MAPK10: variants seen among roughly 807,000 people sequenced by gnomAD.
The protein encoded by MAPK10 is mitogen-activated protein kinase 10, also known as JNK3 alpha protein kinase.
Under a neutral mutation model 59.3 loss-of-function variants are expected in MAPK10, and 25 were observed. The ratio of observed to expected loss-of-function variants is 0.42; its 90% CI spans 0.31 to 0.59. The LOEUF is 0.59. Among genes scored for constraint, MAPK10 ranks in the 20% least tolerant of loss-of-function variants. MAPK10 has a pLI of 0.15. For synonymous variants in MAPK10, 190 were observed against 200.5 expected (o/e 0.95, Z 0.44); for missense variants, 351 against 568.9 (o/e 0.62, Z 3.90).
intron 2 of MAPK10, among the ~76,000 whole-genome samples, chr4:86,300,024 C>T (rs1217488648): frequency 6.6e-6 from 1 of 151,986 alleles, no homozygotes; most frequent in Non-Finnish European, 1.5e-5. Context: ...TCCTGAGTAG[C>T]TGGGTTTGCA....
chr4:86,308,100 A>G (rs1351538116), intron 2 of MAPK10, among the ~76,000 whole-genome samples: 1 of 152,168 alleles, frequency 6.6e-6, no homozygotes, highest in Non-Finnish European at 1.5e-5. Context: ...TGATGATATC[A>G]TTCGTACTAA....
intron 2 of MAPK10, among the ~76,000 whole-genome samples, chr4:86,316,433 C>A (rs1405031266): frequency 1.3e-5 from 2 of 152,034 alleles, no homozygotes; most frequent in Non-Finnish European, 2.9e-5. Flanking sequence ...CTAATAATAT[C>A]TATGTACAAA....
chr4:86,136,673 CA>C (rs1400233104), intron 4 of MAPK10, among the ~76,000 whole-genome samples: 1 of 150,250 alleles, frequency 6.7e-6, no homozygotes, highest in Non-Finnish European at 1.5e-5. Context: ...GGATCAAATT[CA>C]CACATAACAA....
At chr4:86,366,124 G>T (rs1737849028) in intron 1 of MAPK10, among the ~76,000 whole-genome samples, 2 of 152,236 alleles carry the variant, frequency 1.3e-5, no homozygotes, top group South Asian at 4.1e-4. Context: ...AACATGCTGA[G>T]TGAGAAATAA....
rs926650212 is a variant in MAPK10 at position 86,281,054 on chromosome 4, C to T, written c.-7+73476G>A. Reference sequence around the variant, plus strand: ...CCCAAACCTCAGCATATACAATATACCCTGTGACAAACCTGCACATGAATC... The same window carrying T: ...CCCAAACCTCAGCATATACAATATATCCTGTGACAAACCTGCACATGAATC... On this transcript the variant is annotated intron_variant, in intron 2 of 13. Coordinates refer to ENST00000641462, the MANE Select transcript of MAPK10 (RefSeq NM_138982.4). Among the ~76,000 whole-genome samples, 3 of 152,202 alleles carry T rather than the reference C, an allele frequency of 2.0e-5. No homozygotes were observed. In the East Asian group the frequency reaches 5.8e-4, roughly 29 times the overall value.
At chr4:86,079,693 GA>G in intron 9 of MAPK10, 1 of 152,204 alleles carries the variant, frequency 6.6e-6, no homozygotes, top group South Asian at 2.1e-4. Flanking sequence ...CAGCCTACAC[GA>G]ACAGAAATAT....
chr4:86,113,334 T>G (rs181803623), intron 4 of MAPK10, among the ~76,000 whole-genome samples: 6 of 152,128 alleles, frequency 3.9e-5, no homozygotes, highest in Non-Finnish European at 8.8e-5. Context: ...CTCCAGCGTG[T>G]TTTTGTAGTG....
intron 1 of MAPK10, among the ~76,000 whole-genome samples, chr4:86,428,315 T>G (rs541906781): frequency 6.6e-6 from 1 of 152,236 alleles, no homozygotes; most frequent in African/African-American, 2.4e-5. Context: ...GGCTAATTTT[T>G]GTATTTTTTG....
chr4:86,020,640 G>A (rs28865277), intron 13 of MAPK10: 30,669 of 154,130 alleles, frequency 0.2, 3,214 homozygotes, highest in East Asian at 0.26. Context: ...AGATGTGTTC[G>A]GAGTTTCTTC....
At chr4:86,368,064 A>G (rs1738198602) in intron 1 of MAPK10, among the ~76,000 whole-genome samples, 1 of 152,224 alleles carries the variant, frequency 6.6e-6, no homozygotes, top group Non-Finnish European at 1.5e-5. Flanking sequence ...CACAGAGCCC[A>G]CAGCTTACCA....
At chr4:86,426,174 T>A (rs1410022874) in intron 1 of MAPK10, among the ~76,000 whole-genome samples, 2 of 152,354 alleles carry the variant, frequency 1.3e-5, no homozygotes, top group South Asian at 4.1e-4. Context: ...TATATTACTG[T>A]GAAGTATGCA....
chr4:86,042,708 TAC>T (rs1469284804), intron 11 of MAPK10, among the ~76,000 whole-genome samples: 1 of 151,040 alleles, frequency 6.6e-6, no homozygotes, highest in Non-Finnish European at 1.5e-5. Flanking sequence ...ACAAAAAAGA[TAC>T]AAAGTAGGGA....
intron 1 of MAPK10, among the ~76,000 whole-genome samples, chr4:86,574,939 AGT>A (rs1761764360): frequency 6.6e-6 from 1 of 152,178 alleles, no homozygotes; most frequent in Non-Finnish European, 1.5e-5. Flanking sequence ...ATTGTGCCAA[AGT>A]GTGCACAAAT....
upstream of MAPK10, among the ~76,000 whole-genome samples, chr4:86,457,381 A>G (rs1349099424): frequency 1.3e-5 from 2 of 152,194 alleles, no homozygotes; most frequent in Non-Finnish European, 2.9e-5. Context: ...CTGTTTGCTG[A>G]TGATGTGATT....
chr4:86,183,497 C>G (rs1382308120), intron 3 of MAPK10, among the ~76,000 whole-genome samples: 1 of 151,982 alleles, frequency 6.6e-6, no homozygotes. Context: ...GCATAGTATT[C>G]CATGGTGTAT....
chr4:86,089,108 G>T, intron 9 of MAPK10: 1 of 885,760 alleles, frequency 1.1e-6, no homozygotes, highest in Admixed American at 2.5e-5. Context: ...ACTCTCTAAG[G>T]ACAGTGAACA....
chr4:86,038,653 T>C (rs561318515), intron 11 of MAPK10, among the ~76,000 whole-genome samples: 1 of 152,094 alleles, frequency 6.6e-6, no homozygotes, highest in Non-Finnish European at 1.5e-5. Flanking sequence ...AAGCACAAAA[T>C]GATATGCACT....
At chr4:86,126,394 C>T (rs986850168) in intron 4 of MAPK10, among the ~76,000 whole-genome samples, 2 of 151,994 alleles carry the variant, frequency 1.3e-5, no homozygotes, top group Admixed American at 6.6e-5. Flanking sequence ...ACATTTTTAT[C>T]TATCCTCAAA....
At chr4:86,244,123 A>T (rs1323080657) in intron 2 of MAPK10, among the ~76,000 whole-genome samples, 1 of 152,236 alleles carries the variant, frequency 6.6e-6, no homozygotes, top group South Asian at 2.1e-4. Context: ...TGGCACATCC[A>T]CAGTGCTGCA....
Sources: allele counts gnomAD v4.1 joint callset (sites outside exome capture counted in the v4.1 genomes callset), GRCh38; gene constraint gnomAD v4.1.1; transcripts MANE v1.5; gene names NCBI Gene and HGNC (gene_info 2026-07-23, HGNC 2026-07-21).